Variants in NTRK2 observed in about 807,000 individuals in gnomAD.
The protein encoded by NTRK2 is BDNF/NT-3 growth factors receptor.
A neutral mutation model predicts 94.5 loss-of-function variants in NTRK2; 13 were observed. The ratio of observed to expected loss-of-function variants is 0.14; its 90% CI spans 0.09 to 0.22. The LOEUF (loss-of-function observed/expected upper bound fraction) is 0.22, where lower values mean the gene tolerates loss of function less well. Among genes scored for constraint, NTRK2 ranks in the 10% least tolerant of loss-of-function variants. The pLI is 1.00. For missense variants in NTRK2, 639 were observed against 1,071.2 expected (o/e 0.60, Z 5.63); for synonymous variants, 372 against 407.4 (o/e 0.91, Z 1.05).
At chr9:84,753,252 C>T (rs1394026450) in intron 12 of NTRK2, among the ~76,000 whole-genome samples, 1 of 151,946 alleles carries the variant, frequency 6.6e-6, no homozygotes, top group Non-Finnish European at 1.5e-5. Context: ...TTTCATTCTC[C>T]AATTATAAAT....
At chr9:84,878,349 T>C (rs1483368836) in intron 14 of NTRK2, among the ~76,000 whole-genome samples, 2 of 152,142 alleles carry the variant, frequency 1.3e-5, no homozygotes, top group African/African-American at 4.8e-5. Context: ...AATTCTGATA[T>C]TTTTGGCTGG....
At chr9:84,841,359 G>A (rs2074171968) in intron 12 of NTRK2, among the ~76,000 whole-genome samples, 1 of 152,160 alleles carries the variant, frequency 6.6e-6, no homozygotes, top group Non-Finnish European at 1.5e-5. Flanking sequence ...AAACCTGTGA[G>A]TCCTTGTGAC....
intron 12 of NTRK2, among the ~76,000 whole-genome samples, chr9:84,819,643 G>T (rs2072656536): frequency 6.6e-6 from 1 of 152,214 alleles, no homozygotes; most frequent in Non-Finnish European, 1.5e-5. Flanking sequence ...CTCAGGCAGA[G>T]GAGGCGTTCA....
chr9:84,902,292 A>C (rs1365283552), intron 14 of NTRK2, among the ~76,000 whole-genome samples: 2 of 151,836 alleles, frequency 1.3e-5, no homozygotes, highest in African/African-American at 4.8e-5. Context: ...CTACAATGAG[A>C]AGGCAGAAAA....
chr9:84,789,055 G>A (rs909302807), intron 12 of NTRK2, among the ~76,000 whole-genome samples: 2 of 152,180 alleles, frequency 1.3e-5, no homozygotes, highest in African/African-American at 2.4e-5. Context: ...GCCATTGAGA[G>A]GGTATTTCAG....
chr9:84,699,858 C>T (rs1443269647), intron 2 of NTRK2, among the ~76,000 whole-genome samples: 3 of 151,132 alleles, frequency 2.0e-5, no homozygotes, highest in East Asian at 1.9e-4. Context: ...TTTGCTGGTT[C>T]GTTGTATTCT....
At chr9:84,796,121 A>G (rs997597986) in intron 12 of NTRK2, among the ~76,000 whole-genome samples, 3 of 152,128 alleles carry the variant, frequency 2.0e-5, no homozygotes, top group Non-Finnish European at 2.9e-5. Context: ...ACTTAAACAG[A>G]TAGGTTTTTT....
At chr9:84,813,734 C>G in intron 12 of NTRK2, 1 of 1,066,174 alleles carries the variant, frequency 9.4e-7, no homozygotes, top group Non-Finnish European at 1.1e-6. Context: ...GCAAATCCTT[C>G]CTCCTATTAT....
At chr9:84,950,532 C>T (rs2078742950) in intron 16 of NTRK2, among the ~76,000 whole-genome samples, 1 of 152,162 alleles carries the variant, frequency 6.6e-6, no homozygotes, top group African/African-American at 2.4e-5. Context: ...CGCTCAATCA[C>T]CTTTGTTCTC....
At position 84,751,919 on chromosome 9, in the gene NTRK2, A is replaced by G. The variant is rs570296518; in HGVS notation, c.1297-67A>G. The G allele has an allele frequency of 5.2e-5, 62 of 1,189,882 alleles. No individual in the cohort carries two copies. In the Middle Eastern group the frequency reaches 1.1e-3, roughly 22 times the overall value. 73.7% of individuals were successfully genotyped at this position (1,189,882 alleles called of 1,614,324 possible). A position where few individuals can be genotyped will look rare whatever the true frequency, so the allele number is the denominator to read the frequency against. ...CTGTATCATTATCATCGTCATGATC[A>G]TCATCACCATATGATTATAGGGAAC... On this transcript the variant is annotated intron_variant, in intron 11 of 18. Transcript: ENST00000277120.
chr9:84,725,917 A>G (rs1245057725), intron 8 of NTRK2, among the ~76,000 whole-genome samples: 1 of 152,150 alleles, frequency 6.6e-6, no homozygotes, highest in African/African-American at 2.4e-5. Flanking sequence ...TGCTCAGTTG[A>G]GAGGAATGTC....
intron 14 of NTRK2, among the ~76,000 whole-genome samples, chr9:84,894,670 A>C (rs965593081): frequency 3.3e-5 from 5 of 152,258 alleles, no homozygotes; most frequent in Non-Finnish European, 5.9e-5. Context: ...CAAAAATCTT[A>C]CTGTGAGGAC....
chr9:84,807,906 A>C (rs1000270276), intron 12 of NTRK2, among the ~76,000 whole-genome samples: 5 of 152,214 alleles, frequency 3.3e-5, no homozygotes, highest in Non-Finnish European at 7.3e-5. Context: ...ATGAAAGAGT[A>C]GGGTGACTTG....
intron 12 of NTRK2, among the ~76,000 whole-genome samples, chr9:84,858,703 G>T (rs191539514): frequency 1.3e-5 from 2 of 150,824 alleles, no homozygotes; most frequent in African/African-American, 2.4e-5. Flanking sequence ...CTCAAGTGCC[G>T]CTTTGCAGCT....
chr9:84,871,169 G>A (rs947424452), intron 14 of NTRK2, among the ~76,000 whole-genome samples: 1 of 152,126 alleles, frequency 6.6e-6, no homozygotes, highest in Non-Finnish European at 1.5e-5. Flanking sequence ...ATTACAACAG[G>A]ATAGGTTAGA....
At chr9:84,922,191 A>C (rs2077588409) in intron 14 of NTRK2, among the ~76,000 whole-genome samples, 1 of 152,184 alleles carries the variant, frequency 6.6e-6, no homozygotes, top group Non-Finnish European at 1.5e-5. Flanking sequence ...TTTCATGCGG[A>C]CACGTCTTCA....
intron 12 of NTRK2, among the ~76,000 whole-genome samples, chr9:84,776,946 T>C (rs11140755): frequency 0.058 from 8,798 of 152,282 alleles, 848 homozygotes; most frequent in African/African-American, 0.2. Flanking sequence ...CTTTGTGAGA[T>C]ATACAGAAGT....
chr9:84,674,797 C>T (rs1310575571), intron 2 of NTRK2, among the ~76,000 whole-genome samples: 1 of 152,172 alleles, frequency 6.6e-6, no homozygotes, highest in Non-Finnish European at 1.5e-5. Context: ...TTCATACCTT[C>T]AATCTCTGCA....
intron 14 of NTRK2, among the ~76,000 whole-genome samples, chr9:84,919,081 G>A (rs768580124): frequency 5.3e-5 from 8 of 152,008 alleles, no homozygotes; most frequent in Admixed American, 1.3e-4. Flanking sequence ...ACCACCTTGC[G>A]TCATACCCCT....
Sources: gnomAD v4.1 joint callset for allele counts (sites outside exome capture counted in the v4.1 genomes callset) on GRCh38, gnomAD v4.1.1 for gene constraint, MANE v1.5 for transcripts, NCBI Gene and HGNC (gene_info 2026-07-23, HGNC 2026-07-21) for gene names.